GOLGB1: variants seen among roughly 807,000 people sequenced by gnomAD.
GOLGB1 encodes the protein golgin subfamily B member 1.
GOLGB1 carries 174 observed loss-of-function variants against 336.9 expected under a neutral mutation model. The observed-to-expected ratio is 0.52, with a 90% CI of 0.46 to 0.59. The LOEUF (loss-of-function observed/expected upper bound fraction) is 0.59, where lower values mean the gene tolerates loss of function less well. GOLGB1 is among the 20% of genes least tolerant of loss of function. The probability of loss-of-function intolerance (pLI) is 0.00; values close to 1 mark genes in which losing one functional copy is unlikely to be tolerated. For missense variants in GOLGB1, 3,331 were observed against 3,645.3 expected (o/e 0.91, Z 2.22); for synonymous variants, 1,208 against 1,289.2 (o/e 0.94, Z 1.35).
chr3:121,683,446 G>GAA (rs905345904), intron 14 of GOLGB1, among the ~76,000 whole-genome samples: 1 of 152,088 alleles, frequency 6.6e-6, no homozygotes, highest in African/African-American at 2.4e-5. Context: ...CAAAGGAAAT[G>GAA]AAAAGTCTTC....
rs373824875 is a variant in GOLGB1, at chr3:121,718,466, G to A, written c.807C>T (p.His269=). ...GAGCACGGCCCACCAAGGATTCTTC[G>A]TGTTCCTCAAGCTTCCTTTGCAGCA... ...LRVLQRKLEE[H]EESLVGRAQV... The change falls in exon 8 of 22, where the codon CAC becomes CAT. Residue 269 remains histidine (H), a synonymous_variant. Coordinates refer to ENST00000614479, the MANE Select transcript of GOLGB1 (RefSeq NM_001366282.2). 1.1e-5 allele frequency: 18 copies of A among 1,613,628 alleles called. No individual in the cohort carries two copies. Among genetic ancestry groups the A allele is most frequent in the Non-Finnish European group, 1.4e-5 (17 of 1,179,712 alleles).
At chr3:121,681,908 A>C in intron 14 of GOLGB1, 43 bp from the exon 15 acceptor site, 24 of 1,361,982 alleles carry the variant, frequency 1.8e-5, no homozygotes, top group South Asian at 2.4e-5. Context: ...GTCACATCTC[A>C]TTCATCTAAC....
Position 121,677,326 on chromosome 3 carries a change from A to G in GOLGB1, c.8998T>C (p.Ser3000Pro). 6.2e-7 allele frequency: 1 copy of G among 1,602,514 alleles called. No individual in the cohort carries two copies. Among genetic ancestry groups the G allele is most frequent in the Non-Finnish European group, 8.5e-7 (1 of 1,177,666 alleles). ...ACTTTGAGAGGCTGAGTCTGGGAGG[A>G]AGAAGACCTCAATTCCCTTATAAGA... ...QNLIRELRSSSSQTQPLKVQY... is the reference protein window; with the variant it reads ...QNLIRELRSSPSQTQPLKVQY... The change falls in exon 16 of 22, where the codon TCC (serine) becomes CCC (proline). Residue 3000 changes from serine (S) to proline (P), a missense_variant. Coordinates refer to ENST00000614479, the MANE Select transcript of GOLGB1 (RefSeq NM_001366282.2).
chr3:121,733,051 C>T (rs936238813), intron 1 of GOLGB1, among the ~76,000 whole-genome samples: 1 of 152,092 alleles, frequency 6.6e-6, no homozygotes, highest in Non-Finnish European at 1.5e-5. Context: ...AGGCCAGGTG[C>T]GGTAGCTCAC....
chr3:121,670,723 A>T (rs572561195), intron 17 of GOLGB1, among the ~76,000 whole-genome samples: 36 of 130,262 alleles, frequency 2.8e-4, no homozygotes, highest in African/African-American at 9.8e-4. Context: ...TAGTCTAGCA[A>T]GGAAAGCTAA....
intron 14 of GOLGB1, among the ~76,000 whole-genome samples, chr3:121,689,410 G>A (rs1241696193): frequency 6.6e-6 from 1 of 151,722 alleles, no homozygotes; most frequent in African/African-American, 2.4e-5. Context: ...ATGGATTAAG[G>A]GCGGTGCAAG....
intron 12 of GOLGB1, 114 bp downstream of exon 12, chr3:121,699,698 T>A: frequency 1.8e-6 from 1 of 565,358 alleles, no homozygotes; most frequent in East Asian, 2.8e-5. Flanking sequence ...GATCTTACTC[T>A]ATAGGTAATG....
At chr3:121,681,028 T>A (rs542131198) in intron 15 of GOLGB1, among the ~76,000 whole-genome samples, 1 of 152,210 alleles carries the variant, frequency 6.6e-6, no homozygotes, top group East Asian at 1.9e-4. Context: ...CAAAAACTTA[T>A]ACACAAATGT....
chr3:121,710,552 A>C (rs1944264949), intron 10 of GOLGB1, among the ~76,000 whole-genome samples: 1 of 152,190 alleles, frequency 6.6e-6, no homozygotes, highest in Non-Finnish European at 1.5e-5. Flanking sequence ...CAACAAATGT[A>C]TTGGGGTTGG....
At position 121,695,775 on chromosome 3, in the gene GOLGB1, C is replaced by A; in HGVS notation, c.4748G>T (p.Gly1583Val). The change falls in exon 13 of 22, where the codon GGT (glycine) becomes GTT (valine). Residue 1583 changes from glycine (G) to valine (V), a missense_variant. Coordinates refer to ENST00000614479, the MANE Select transcript of GOLGB1 (RefSeq NM_001366282.2). ...SCESLKLALE[G>V]LTEDKEKLVK... ...TAACTTTTCCTTGTCTTCAGTAAGA[C>A]CCTCTAGAGCTAGTTTTAGACTTTC... 1 of 1,613,108 alleles carries A rather than the reference C, an allele frequency of 6.2e-7. No individual in the cohort carries two copies. The highest frequency in any genetic ancestry group is 8.5e-7 in the Non-Finnish European group (1 of 1,179,950).
chr3:121,681,607 C>T, intron 15 of GOLGB1, 80 bp downstream of exon 15: 1 of 1,015,332 alleles, frequency 9.8e-7, no homozygotes, highest in Non-Finnish European at 1.5e-6. Flanking sequence ...GCTCTCTGCA[C>T]TATTTTCCCA....
chr3:121,746,790 T>C (rs1468603812), intron 1 of GOLGB1, among the ~76,000 whole-genome samples: 1 of 152,084 alleles, frequency 6.6e-6, no homozygotes, highest in African/African-American at 2.4e-5. Context: ...TAACTCACTT[T>C]ATTCTTAAAA....
At chr3:121,669,379 A>G (rs779692316) in intron 17 of GOLGB1, 24 bp from the exon 18 acceptor site, 11 of 1,606,076 alleles carry the variant, frequency 6.8e-6, no homozygotes, top group Non-Finnish European at 9.4e-6. Flanking sequence ...GAGGATAAGC[A>G]TCATCCTGCA....
chr3:121,707,029 G>A (rs534844784), intron 10 of GOLGB1, among the ~76,000 whole-genome samples: 49 of 150,764 alleles, frequency 3.3e-4, no homozygotes, highest in Middle Eastern at 3.5e-3. Flanking sequence ...TGGCCAACAC[G>A]GTGAAACCCC....
chr3:121,703,765 T>C (rs1181968041), intron 10 of GOLGB1, among the ~76,000 whole-genome samples: 1 of 151,870 alleles, frequency 6.6e-6, no homozygotes, highest in Admixed American at 6.6e-5. Context: ...CATAAAGAAA[T>C]AGGAAAGAGT....
At chr3:121,711,857 G>A (rs562676047) in intron 10 of GOLGB1, among the ~76,000 whole-genome samples, 6 of 152,280 alleles carry the variant, frequency 3.9e-5, no homozygotes, top group African/African-American at 1.4e-4. Flanking sequence ...TATATTCGTA[G>A]ATTTAAAAGT....
intron 4 of GOLGB1, among the ~76,000 whole-genome samples, chr3:121,728,461 A>G (rs1264307811): frequency 6.6e-6 from 1 of 152,244 alleles, no homozygotes; most frequent in Non-Finnish European, 1.5e-5. Flanking sequence ...TATGCATGTG[A>G]TATGCCTGCC....
intron 1 of GOLGB1, among the ~76,000 whole-genome samples, chr3:121,737,328 T>C: frequency 6.6e-6 from 1 of 152,198 alleles, no homozygotes; most frequent in East Asian, 1.9e-4. Context: ...TAATTTTACA[T>C]TTTGTGATAA....
In GOLGB1 at chr3:121,694,738, C is replaced by G. The variant is rs1422540837; in HGVS notation, c.5785G>C (p.Glu1929Gln). The change falls in exon 13 of 22, where the codon GAG (glutamate) becomes CAG (glutamine). Residue 1929 changes from glutamate to glutamine, a missense_variant. Coordinates refer to ENST00000614479, the MANE Select transcript of GOLGB1 (RefSeq NM_001366282.2). ...TAEEEKDDLE[E>Q]RLMNQLAELN... is the part of the protein sequence containing the mutation. ...TCTGCTAATTGATTCATAAGCCTCT[C>G]TTCCAAATCATCTTTCTCTTCTTCT... is the stretch of plus-strand genomic sequence containing the variant. 1 of 1,612,574 alleles carries G rather than the reference C, an allele frequency of 6.2e-7. No homozygotes were observed. The highest frequency in any genetic ancestry group is 1.7e-5 in the Admixed American group (1 of 60,018).
Sources: gnomAD v4.1 joint callset for allele counts (sites outside exome capture counted in the v4.1 genomes callset) on GRCh38, gnomAD v4.1.1 for gene constraint, MANE v1.5 for transcripts, NCBI Gene and HGNC (gene_info 2026-07-23, HGNC 2026-07-21) for gene names.